Variants in CACNA1C observed in about 807,000 individuals in gnomAD.
The protein encoded by CACNA1C is voltage-dependent L-type calcium channel subunit alpha-1C.
In CACNA1C, 30 loss-of-function variants were observed where a neutral mutation model predicts 229.0. The ratio of observed to expected loss-of-function variants is 0.13; its 90% CI spans 0.10 to 0.18. The LOEUF (loss-of-function observed/expected upper bound fraction) is 0.18. CACNA1C is among the 10% of genes least tolerant of loss of function. CACNA1C has a pLI of 1.00. For missense variants in CACNA1C, 1,658 were observed against 2,845.0 expected (o/e 0.58, Z 9.49); for synonymous variants, 1,114 against 1,132.5 (o/e 0.98, Z 0.33).
chr12:2,112,640 T>C (rs906860845), intron 1 of CACNA1C, among the ~76,000 whole-genome samples: 1 of 152,048 alleles, frequency 6.6e-6, no homozygotes, highest in African/African-American at 2.4e-5. Context: ...GTAGAGCAGG[T>C]GGCAACTGTT....
intron 3 of CACNA1C, among the ~76,000 whole-genome samples, chr12:2,190,392 T>G (rs2097173604): frequency 6.6e-6 from 1 of 152,212 alleles, no homozygotes; most frequent in Non-Finnish European, 1.5e-5. Context: ...CCCCATTCCC[T>G]CCATCAGCCG....
intron 30 of CACNA1C, among the ~76,000 whole-genome samples, chr12:2,640,866 T>G (rs762768750): frequency 3.3e-5 from 5 of 152,212 alleles, no homozygotes; most frequent in Non-Finnish European, 5.9e-5. Context: ...TCCTGAGTCA[T>G]AGAGAGAGCT....
At chr12:2,230,167 A>T (rs1048116089) in intron 3 of CACNA1C, among the ~76,000 whole-genome samples, 2 of 151,826 alleles carry the variant, frequency 1.3e-5, no homozygotes, top group African/African-American at 4.8e-5. Context: ...TGCGACCTGG[A>T]GCCGCGGGCA....
At chr12:2,357,658 T>C (rs2097415757) in intron 3 of CACNA1C, among the ~76,000 whole-genome samples, 1 of 135,810 alleles carries the variant, frequency 7.4e-6, no homozygotes, top group African/African-American at 3.0e-5. Context: ...TTGGGTTTTT[T>C]TTCCTTAAAA....
chr12:2,172,585 C>T (rs535927580), intron 3 of CACNA1C, among the ~76,000 whole-genome samples: 6 of 152,318 alleles, frequency 3.9e-5, no homozygotes, highest in South Asian at 2.1e-4. Flanking sequence ...GGAGGACCCA[C>T]GGAGAAGTTG....
At chr12:2,388,137 G>A (rs1045133613) in intron 3 of CACNA1C, among the ~76,000 whole-genome samples, 1 of 152,188 alleles carries the variant, frequency 6.6e-6, no homozygotes, top group Non-Finnish European at 1.5e-5. Context: ...GGGGCTGGGG[G>A]GCTGGGGAAA....
intron 3 of CACNA1C, among the ~76,000 whole-genome samples, chr12:2,175,482 C>T (rs1019551655): frequency 1.3e-4 from 20 of 150,724 alleles, no homozygotes; most frequent in African/African-American, 3.6e-4. Flanking sequence ...ATTCAGGTTC[C>T]GTTTGTTTTG....
chr12:2,197,592 T>C (rs960778693), intron 3 of CACNA1C, among the ~76,000 whole-genome samples: 1 of 152,232 alleles, frequency 6.6e-6, no homozygotes, highest in Non-Finnish European at 1.5e-5. Flanking sequence ...ATATGTTCAG[T>C]GCAAGTACTA....
intron 3 of CACNA1C, among the ~76,000 whole-genome samples, chr12:2,352,214 C>G (rs1056171531): frequency 6.6e-6 from 1 of 152,088 alleles, no homozygotes; most frequent in Non-Finnish European, 1.5e-5. Flanking sequence ...GCAGAGGCAC[C>G]GACTTGAAGA....
chr12:2,162,085 G>A (rs1431556812), intron 3 of CACNA1C, among the ~76,000 whole-genome samples: 7 of 152,156 alleles, frequency 4.6e-5, no homozygotes, highest in African/African-American at 1.7e-4. Context: ...AAAAATGCAG[G>A]TTTGCTATGA....
intron 3 of CACNA1C, among the ~76,000 whole-genome samples, chr12:2,148,907 G>A (rs1018104584): frequency 2.0e-5 from 3 of 152,172 alleles, no homozygotes; most frequent in Non-Finnish European, 4.4e-5. Flanking sequence ...CCTGGCGGGT[G>A]GCCCTGGGAC....
At chr12:2,165,888 T>C (rs2096196570) in intron 3 of CACNA1C, among the ~76,000 whole-genome samples, 1 of 152,106 alleles carries the variant, frequency 6.6e-6, no homozygotes, top group South Asian at 2.1e-4. Flanking sequence ...TAACATTGAC[T>C]CTCAGAGTCA....
chr12:2,566,600 C>T lies in CACNA1C; in HGVS notation c.1669+18C>T. Reference sequence around the variant, plus strand: ...AGTCCAAGGTGAGCGGCGGCCCCAGCTCTGCTCTGGTTTCCTCCTGGTAAC... The same window carrying T: ...AGTCCAAGGTGAGCGGCGGCCCCAGTTCTGCTCTGGTTTCCTCCTGGTAAC... On this transcript the variant is annotated intron_variant, in intron 12 of 46. Transcript: ENST00000399655. The surrounding 1 kb of genome is among the most constrained non-coding windows in gnomAD (Gnocchi z 4.0). 1 of 1,580,432 alleles carries T rather than the reference C, an allele frequency of 6.3e-7. No individual in the cohort carries two copies. The highest frequency in any genetic ancestry group is 8.6e-7 in the Non-Finnish European group (1 of 1,163,214).
chr12:2,475,255 C>A (rs539106156), intron 5 of CACNA1C, among the ~76,000 whole-genome samples: 12 of 151,544 alleles, frequency 7.9e-5, no homozygotes, highest in African/African-American at 2.9e-4. Context: ...GCCGAGATCA[C>A]GCCACTGCAC....
intron 9 of CACNA1C, among the ~76,000 whole-genome samples, chr12:2,531,647 A>C (rs995752161): frequency 3.3e-5 from 5 of 152,154 alleles, no homozygotes; most frequent in Admixed American, 6.5e-5. Context: ...CAAGAGAGGA[A>C]GTGTCCACTG....
chr12:2,462,172 G>A lies in CACNA1C; in HGVS notation c.757+4466G>A, dbSNP rs922554678. The stretch of plus-strand genomic sequence containing the variant: ...CTCACCCCACTGTGGGGTGGTGGCC[G>A]GCACTTGCTCCTTCTGTCTGAACGC... On this transcript the variant is annotated intron_variant, in intron 5 of 46. Transcript: ENST00000399655. Among the ~76,000 whole-genome samples the A allele has an allele frequency of 1.3e-4, 16 of 121,516 alleles. No individual in the cohort carries two copies. The South Asian group carries it at 1.7e-3, about 13-fold the overall frequency. 79.7% of individuals were successfully genotyped at this position (121,516 alleles called of 152,430 possible).
chr12:2,618,662 G>A (rs1029887297), intron 29 of CACNA1C, among the ~76,000 whole-genome samples: 1 of 152,224 alleles, frequency 6.6e-6, no homozygotes, highest in Non-Finnish European at 1.5e-5. Context: ...AGCCTGCCCC[G>A]GAGGCAGGAG....
At chr12:2,306,846 C>G in intron 3 of CACNA1C, among the ~76,000 whole-genome samples, 1 of 152,346 alleles carries the variant, frequency 6.6e-6, no homozygotes, top group East Asian at 1.9e-4. Context: ...GCCCCTTCCC[C>G]TCCATCTCAC....
Position 2,633,409 on chromosome 12 carries a change from C to G in CACNA1C, c.3829-888C>G, listed in dbSNP as rs967109540. Among the ~76,000 whole-genome samples the G allele has an allele frequency of 2.0e-5, 3 of 152,150 alleles. No individual in the cohort carries two copies. The highest frequency in any genetic ancestry group is 2.9e-5 in the Non-Finnish European group (2 of 68,020). ...GGTGGGTGGATCTGTAGGATGGGGG[C>G]CACGTGACCGAGGGAATGCGGGCAG... On this transcript the variant is annotated intron_variant, in intron 29 of 46. Coordinates refer to ENST00000399655, the MANE Select transcript of CACNA1C (RefSeq NM_000719.7). The surrounding 1 kb of genome is among the most constrained non-coding windows in gnomAD (Gnocchi z 5.8).
Sources: allele counts gnomAD v4.1 joint callset (sites outside exome capture counted in the v4.1 genomes callset), GRCh38; gene constraint gnomAD v4.1.1; non-coding constraint Gnocchi (gnomAD v3.1); transcripts MANE v1.5; gene names NCBI Gene and HGNC (gene_info 2026-07-23, HGNC 2026-07-21).